The following KIF5C variants were observed in gnomAD, a reference collection of about 807,000 sequenced individuals.
KIF5C encodes the protein kinesin family member 5C.
A neutral mutation model predicts 125.2 loss-of-function variants in KIF5C; 18 were observed. The ratio of observed to expected loss-of-function variants is 0.14; its 90% CI spans 0.10 to 0.21. The LOEUF is 0.21. Ranked by LOEUF, KIF5C falls within the 10% of genes least tolerant of loss-of-function variation. KIF5C has a pLI of 1.00. For missense variants in KIF5C, 780 were observed against 1,183.8 expected (o/e 0.66, Z 5.01); for synonymous variants, 405 against 434.0 (o/e 0.93, Z 0.83).
At chr2:148,944,161 G>A (rs997106956) in intron 7 of KIF5C, among the ~76,000 whole-genome samples, 1 of 151,876 alleles carries the variant, frequency 6.6e-6, no homozygotes, top group Non-Finnish European at 1.5e-5. Context: ...CTTTATTATT[G>A]CAATAAAATA....
At chr2:148,976,244 G>T (rs1194088903) in intron 12 of KIF5C, among the ~76,000 whole-genome samples, 1 of 95,212 alleles carries the variant, frequency 1.1e-5, no homozygotes, top group Non-Finnish European at 2.2e-5. Context: ...ATATTATTTT[G>T]TTTTATTTAT....
rs550969589 is a variant in KIF5C at position 148,896,481 on chromosome 2, C to T, written c.126+20738C>T. Among the ~76,000 whole-genome samples, 5 of 152,334 alleles carry T rather than the reference C, an allele frequency of 3.3e-5. No individual in the cohort carries two copies. The South Asian group carries it at 1.0e-3, about 32-fold the overall frequency. Reference sequence around the variant, plus strand: ...GAATTCTACAGCAATCAGACCATTTCATGGACTGCCTCCCCTCTGGAGCAT... The same window carrying T: ...GAATTCTACAGCAATCAGACCATTTTATGGACTGCCTCCCCTCTGGAGCAT... On this transcript the variant is annotated intron_variant, in intron 1 of 25. Coordinates refer to ENST00000435030, the MANE Select transcript of KIF5C (RefSeq NM_004522.3).
intron 12 of KIF5C, among the ~76,000 whole-genome samples, chr2:148,974,522 T>C (rs1330900264): frequency 6.6e-6 from 1 of 152,214 alleles, no homozygotes; most frequent in Non-Finnish European, 1.5e-5. Context: ...CAAAGCTTTA[T>C]TCTGGGGTCA....
At position 148,876,172 on chromosome 2, in the gene KIF5C, G is replaced by T. The variant is rs571506265; in HGVS notation, c.126+429G>T. Among the ~76,000 whole-genome samples the T allele has an allele frequency of 3.3e-5, 5 of 152,210 alleles. No homozygotes were observed. The highest frequency in any genetic ancestry group is 5.9e-5 in the Non-Finnish European group (4 of 68,034). On this transcript the variant is annotated intron_variant, in intron 1 of 25. Transcript: ENST00000435030. This position sits in a 1 kb window ranked among gnomAD's most constrained non-coding sequence, Gnocchi z 4.7. The stretch of plus-strand genomic sequence containing the variant: ...CATCAATCAATTCGATTTACCAAAC[G>T]CCTTGCCTCTTCTTCTCACGACCCT...
chr2:148,989,369 C>CACACACA (rs1558935197), intron 15 of KIF5C, among the ~76,000 whole-genome samples: 1 of 149,340 alleles, frequency 6.7e-6, no homozygotes, highest in Non-Finnish European at 1.5e-5. Context: ...CACACACACA[C>CACACACA]CACATTTTCT....
Position 148,928,296 on chromosome 2 carries a change from C to T in KIF5C, c.218-985C>T, listed in dbSNP as rs978215565. Among the ~76,000 whole-genome samples, 7 of 152,258 alleles carry T rather than the reference C, an allele frequency of 4.6e-5. No individual in the cohort carries two copies. The South Asian group carries it at 6.2e-4, about 14-fold the overall frequency. On this transcript the variant is annotated intron_variant, in intron 2 of 25. Coordinates refer to ENST00000435030, the MANE Select transcript of KIF5C (RefSeq NM_004522.3). ...TTTTTACATGACCCTGAATAGGACA[C>T]CTCAGTGTGGGGTCCTTCTCCCTGC...
chr2:148,899,506 A>C (rs1033224950), intron 1 of KIF5C, among the ~76,000 whole-genome samples: 14 of 151,970 alleles, frequency 9.2e-5, no homozygotes, highest in Non-Finnish European at 1.8e-4. Flanking sequence ...TTTCGAGACC[A>C]GCCTGGCCAA....
chr2:148,914,991 C>T (rs1268579045), intron 1 of KIF5C, among the ~76,000 whole-genome samples: 1 of 152,188 alleles, frequency 6.6e-6, no homozygotes, highest in East Asian at 1.9e-4. Flanking sequence ...AGCTGGTGGT[C>T]ATTGCCAGGT....
chr2:149,006,404 G>A (rs929327163), intron 22 of KIF5C, among the ~76,000 whole-genome samples: 2 of 152,194 alleles, frequency 1.3e-5, no homozygotes, highest in Non-Finnish European at 2.9e-5. Flanking sequence ...GGATCGGCAG[G>A]GAAATACATG....
chr2:148,909,619 G>T (rs183911555), intron 1 of KIF5C, among the ~76,000 whole-genome samples: 22 of 152,322 alleles, frequency 1.4e-4, no homozygotes, highest in African/African-American at 5.3e-4. Context: ...ATGTTTAGTT[G>T]TGTGGGGCAG....
rs907157080 is a variant in KIF5C, at chr2:148,875,638, C to T, written c.21C>T (p.Cys7=). 5.8e-6 allele frequency: 9 copies of T among 1,541,286 alleles called. No homozygotes were observed. Among genetic ancestry groups the T allele is most frequent in the Admixed American group, 2.0e-5 (1 of 51,222 alleles). ...CCGAGATGGCGGATCCAGCCGAATGCAGCATCAAAGTGATGTGCCGGTTCC... is the reference window on the plus strand; with the variant it reads ...CCGAGATGGCGGATCCAGCCGAATGTAGCATCAAAGTGATGTGCCGGTTCC... MADPAE[C]SIKVMCRFRP... The change falls in exon 1 of 26, where the codon TGC becomes TGT. Residue 7 remains cysteine (C), a synonymous_variant. Coordinates refer to ENST00000435030, the MANE Select transcript of KIF5C (RefSeq NM_004522.3).
At chr2:148,882,276 C>G (rs546811748) in intron 1 of KIF5C, among the ~76,000 whole-genome samples, 1 of 152,108 alleles carries the variant, frequency 6.6e-6, no homozygotes, top group Admixed American at 6.5e-5. Context: ...TTTTCTCACC[C>G]GTAAAATAGA....
chr2:148,972,128 T>A (rs1182810807), intron 11 of KIF5C, among the ~76,000 whole-genome samples: 1 of 152,138 alleles, frequency 6.6e-6, no homozygotes, highest in African/African-American at 2.4e-5. Flanking sequence ...AAGTTTTGTA[T>A]TTTTAGTAGA....
intron 2 of KIF5C, among the ~76,000 whole-genome samples, chr2:148,925,261 A>G (rs771919987): frequency 3.3e-5 from 5 of 152,144 alleles, no homozygotes; most frequent in Non-Finnish European, 5.9e-5. Flanking sequence ...GCATTATGGG[A>G]GATGAGGCTG....
rs145791742 is a variant in KIF5C at position 148,923,223 on chromosome 2, C to T, written c.217+996C>T. On this transcript the variant is annotated intron_variant, in intron 2 of 25. Coordinates refer to ENST00000435030, the MANE Select transcript of KIF5C (RefSeq NM_004522.3). ...CTGCTTGTTTTTAGAAGCTGACTAA[C>T]CTAAGTATTTGAAATTCATGAAAAT... Among the ~76,000 whole-genome samples the T allele has an allele frequency of 1.2e-3, 181 of 152,228 alleles. 1 individual carries two copies. Among genetic ancestry groups the T allele is most frequent in the African/African-American group, 4.1e-3 (170 of 41,530 alleles).
intron 10 of KIF5C, among the ~76,000 whole-genome samples, chr2:148,958,046 T>C (rs1226075698): frequency 6.6e-6 from 1 of 152,208 alleles, no homozygotes; most frequent in Non-Finnish European, 1.5e-5. Flanking sequence ...AGTTCATTTT[T>C]CACAGTTATA....
intron 1 of KIF5C, among the ~76,000 whole-genome samples, chr2:148,891,873 T>G (rs1294431137): frequency 6.6e-6 from 1 of 152,076 alleles, no homozygotes. Flanking sequence ...AATTTTTGTA[T>G]TTTTAGTAGA....
intron 1 of KIF5C, among the ~76,000 whole-genome samples, chr2:148,915,475 T>C (rs1681508642): frequency 6.6e-6 from 1 of 152,162 alleles, no homozygotes; most frequent in Non-Finnish European, 1.5e-5. Context: ...CATCCTTTTA[T>C]GAAGGAAAAG....
At chr2:148,937,178 C>T in intron 3 of KIF5C, 106 bp from the exon 4 acceptor site, 3 of 1,467,958 alleles carry the variant, frequency 2.0e-6, no homozygotes, top group South Asian at 1.4e-5. Context: ...GTGGGTGCTT[C>T]CTGCTCCACC....
Sources: gnomAD v4.1 joint callset for allele counts (sites outside exome capture counted in the v4.1 genomes callset) on GRCh38, gnomAD v4.1.1 for gene constraint, Gnocchi (gnomAD v3.1) non-coding constraint, MANE v1.5 for transcripts, NCBI Gene and HGNC (gene_info 2026-07-23, HGNC 2026-07-21) for gene names.